The following CFAP65 variants were observed in gnomAD, a reference collection of about 807,000 sequenced individuals.
The protein encoded by CFAP65 is cilia and flagella associated protein 65, also known as cilia- and flagella-associated protein 65.
A neutral mutation model predicts 208.0 loss-of-function variants in CFAP65; 155 were observed. That is an observed-to-expected ratio of 0.75 (90% CI 0.65 to 0.85). The LOEUF (loss-of-function observed/expected upper bound fraction) is 0.85, where lower values mean the gene tolerates loss of function less well. Among genes scored for constraint, CFAP65 ranks in the 40% least tolerant of loss-of-function variants. The probability of loss-of-function intolerance (pLI) is 0.00; values close to 1 mark genes in which losing one functional copy is unlikely to be tolerated. For missense variants in CFAP65, 2,294 were observed against 2,451.3 expected (o/e 0.94, Z 1.36); for synonymous variants, 970 against 986.3 (o/e 0.98, Z 0.31).
chr2:219,019,644 T>C lies in CFAP65; in HGVS notation c.3335A>G (p.Asp1112Gly). ...CTCAGCACTGCCCATGGAGCTGACA[T>C]CCAGGATGGAAAGCAAGGGGTACAC... is the stretch of plus-strand genomic sequence containing the variant. ...VAVYPLLSIL[D>G]VSSMGSAEGI... is the part of the protein sequence containing the mutation. The change falls in exon 20 of 35, where the codon GAT becomes GGT. Residue 1112 changes from aspartate (D) to glycine (G), a missense_variant. Physicochemically the swap from Asp to Gly is moderately conservative, Grantham distance 94. Coordinates refer to ENST00000341552, the MANE Select transcript of CFAP65 (RefSeq NM_194302.4). 6.2e-7 allele frequency: 1 copy of C among 1,613,794 alleles called. No homozygotes were observed. The highest frequency in any genetic ancestry group is 8.5e-7 in the Non-Finnish European group (1 of 1,180,024).
chr2:219,028,103 G>C (rs148440747), intron 12 of CFAP65, 94 bp from the exon 13 acceptor site: 2 of 1,555,046 alleles, frequency 1.3e-6, no homozygotes, highest in East Asian at 4.5e-5. Flanking sequence ...GGCTACACCA[G>C]TCGCCCTGAC....
rs1946010275 is a variant in CFAP65 at position 219,006,589 on chromosome 2, T to C, written c.4675-80A>G. The C allele has an allele frequency of 2.8e-6, 4 of 1,414,938 alleles. No homozygotes were observed. The African/African-American group carries it at 5.6e-5, about 20-fold the overall frequency. 87.6% of individuals were successfully genotyped at this position (1,414,938 alleles called of 1,614,324 possible). ...TGCTTCATGCCTGTAATCCCAGCAC[T>C]TTGGAAGGCCAAGGCGGGCGGATCA... On this transcript the variant is annotated intron_variant, in intron 29 of 34. Transcript: ENST00000341552.
In CFAP65 at chr2:219,003,966, C is replaced by T; in HGVS notation, c.5541G>A (p.Lys1847=). 1 of 1,612,168 alleles carries T rather than the reference C, an allele frequency of 6.2e-7. No homozygotes were observed. The highest frequency in any genetic ancestry group is 1.1e-5 in the South Asian group (1 of 90,824). The change falls in exon 33 of 35, where the codon AAG becomes AAA. Residue 1847 remains lysine (K), a synonymous_variant. Coordinates refer to ENST00000341552, the MANE Select transcript of CFAP65 (RefSeq NM_194302.4). The surrounding 1 kb of genome is among the most constrained non-coding windows in gnomAD (Gnocchi z 4.4). Reference sequence around the variant, plus strand: ...TGGCTGCTCACCTTCTGATGGCCTCCTTCTCGTCCTGTTCTTGCTCCTCCT... The same window carrying T: ...TGGCTGCTCACCTTCTGATGGCCTCTTTCTCGTCCTGTTCTTGCTCCTCCT... ...MVKEEQEQDE[K]EAIRRLPAFA...
chr2:219,024,322 C>G, intron 14 of CFAP65, 62 bp from the exon 15 acceptor site: 1 of 1,556,882 alleles, frequency 6.4e-7, no homozygotes. Flanking sequence ...GACACACACT[C>G]AGGGCCCTAT....
chr2:219,006,459 C>G lies in CFAP65; in HGVS notation c.4719+6G>C. 6.2e-7 allele frequency: 1 copy of G among 1,613,756 alleles called. No individual in the cohort carries two copies. The highest frequency in any genetic ancestry group is 8.5e-7 in the Non-Finnish European group (1 of 1,180,018). On this transcript the variant is annotated splice_donor_region_variant and intron_variant, in intron 30 of 34. Transcript: ENST00000341552. ...AAGAAGATGGGCCTGGGGCTCGCCG[C>G]CTCACCTTGTACTTCCTCGCAGGTT...
chr2:219,011,291 T>TTTTTTTTTTTC (rs1946465956), intron 24 of CFAP65, among the ~76,000 whole-genome samples: 1 of 147,822 alleles, frequency 6.8e-6, no homozygotes, highest in Non-Finnish European at 1.5e-5. Flanking sequence ...TTTTTTTTTT[T>TTTTTTTTTTTC]TGAGACAAGG....
In CFAP65 at chr2:219,003,963, C is replaced by T. The variant is rs1481066650; in HGVS notation, c.5544G>A (p.Glu1848=). 1 of 1,611,134 alleles carries T rather than the reference C, an allele frequency of 6.2e-7. No homozygotes were observed. The highest frequency in any genetic ancestry group is 1.3e-5 in the African/African-American group (1 of 74,904). The change falls in exon 33 of 35, where the codon GAG becomes GAA. Residue 1848 remains glutamate, a synonymous_variant. Coordinates refer to ENST00000341552, the MANE Select transcript of CFAP65 (RefSeq NM_194302.4). The surrounding 1 kb of genome is among the most constrained non-coding windows in gnomAD (Gnocchi z 4.4). ...VKEEQEQDEK[E]AIRRLPAFAN... Reference sequence around the variant, plus strand: ...GCCTGGCTGCTCACCTTCTGATGGCCTCCTTCTCGTCCTGTTCTTGCTCCT... The same window carrying T: ...GCCTGGCTGCTCACCTTCTGATGGCTTCCTTCTCGTCCTGTTCTTGCTCCT...
Position 219,013,554 on chromosome 2 carries a change from C to G in CFAP65, c.3811G>C (p.Val1271Leu). Reference protein sequence around the residue: ...HLFIGTDHLPVLFKVSHGREI... With the variant: ...HLFIGTDHLPLLFKVSHGREI... ...CGGCCATGGGACACCTTGAAGAGCA[C>G]TGGGAGGTGATCAGTACCGATGAAC... is the stretch of plus-strand genomic sequence containing the variant. The change falls in exon 23 of 35, where the codon GTG (valine) becomes CTG (leucine). Residue 1271 changes from valine (V) to leucine (L), a missense_variant. Val to Leu is a conservative substitution (Grantham distance 32). This residue lies in a region of CFAP65 where 1,427 missense variants were observed against 1,438.7 expected (regional missense o/e 0.99). Transcript: ENST00000341552. The G allele has an allele frequency of 6.2e-7, 1 of 1,601,464 alleles. No homozygotes were observed. The highest frequency in any genetic ancestry group is 8.5e-7 in the Non-Finnish European group (1 of 1,175,440).
rs975485281 is a variant in CFAP65, at chr2:219,024,476, G to T, written c.2350-216C>A. ...TCTCCAGAGACCTCCAGAAAGGGGC[G>T]GGGGGGGGGCAGGGGGGCGGGGGCA... On this transcript the variant is annotated intron_variant, in intron 14 of 34. Coordinates refer to ENST00000341552, the MANE Select transcript of CFAP65 (RefSeq NM_194302.4). Among the ~76,000 whole-genome samples, 2,005 of 61,528 alleles carry T rather than the reference G, an allele frequency of 0.033. 205 individuals carry two copies. In the African/African-American group the frequency reaches 0.39, roughly 12 times the overall value. 40.4% of individuals were successfully genotyped at this position (61,528 alleles called of 152,430 possible).
chr2:219,040,153 T>C (rs1391461593), intron 2 of CFAP65, among the ~76,000 whole-genome samples: 1 of 152,128 alleles, frequency 6.6e-6, no homozygotes, highest in Non-Finnish European at 1.5e-5. Flanking sequence ...CCCTTACAGG[T>C]ATTTTAATTC....
chr2:219,010,355 T>C (rs1412159966), intron 26 of CFAP65, among the ~76,000 whole-genome samples, 191 bp downstream of exon 26: 1 of 152,084 alleles, frequency 6.6e-6, no homozygotes, highest in Non-Finnish European at 1.5e-5. Context: ...GGTGGCAGGG[T>C]AGACCTCTCA....
At chr2:219,010,128 G>C in intron 26 of CFAP65, 43 bp from the exon 27 acceptor site, 2 of 1,537,896 alleles carry the variant, frequency 1.3e-6, no homozygotes, top group South Asian at 2.5e-5. Context: ...AACCGGCCAG[G>C]CATGGTGGCT....
In CFAP65 at chr2:219,031,170, C is replaced by A. The variant is rs1255380374; in HGVS notation, c.951G>T (p.Val317=). ...FQPLTAVIYE[V]QATCWYGAGS... is the part of the protein sequence containing the mutation. ...CCGCCCCGTACCAGCACGTGGCCTG[C>A]ACCTCGTAGATGACGGCTGTAAGGG... is the stretch of plus-strand genomic sequence containing the variant. Residue 317 remains valine, a synonymous_variant, in exon 8 of 35, where the codon GTG becomes GTT. Transcript: ENST00000341552. The surrounding 1 kb of genome is among the most constrained non-coding windows in gnomAD (Gnocchi z 5.2). 2 of 1,610,852 alleles carry A rather than the reference C, an allele frequency of 1.2e-6. No homozygotes were observed. Among genetic ancestry groups the A allele is most frequent in the Non-Finnish European group, 1.7e-6 (2 of 1,178,756 alleles).
chr2:219,040,799 C>T (rs1414976588), intron 1 of CFAP65, among the ~76,000 whole-genome samples: 1 of 152,134 alleles, frequency 6.6e-6, no homozygotes, highest in Non-Finnish European at 1.5e-5. Context: ...GGAAGTGGTC[C>T]CAGGGCAAGG....
At chr2:219,026,233 C>T (rs17654949) in intron 13 of CFAP65, 74 bp from the exon 14 acceptor site, 85,196 of 1,517,024 alleles carry the variant, frequency 0.056, 6,521 homozygotes, top group East Asian at 0.42. Flanking sequence ...TTTTGCCCCT[C>T]CTTGCCCTTG....
Position 219,035,566 on chromosome 2 carries a change from A to C in CFAP65, c.456T>G (p.His152Gln), listed in dbSNP as rs978317835. The C allele has an allele frequency of 6.2e-7, 1 of 1,613,950 alleles. No homozygotes were observed. Among genetic ancestry groups the C allele is most frequent in the Non-Finnish European group, 8.5e-7 (1 of 1,179,986 alleles). ...IWGIEVAEEL[H>Q]WKGWELGKET... ...CCTTTCCTAGCTCCCAGCCTTTCCA[A>C]TGCAGCTCCTCAGCCACCTCAATGC... The change falls in exon 5 of 35, where the codon CAT becomes CAG. Residue 152 changes from histidine (H) to glutamine (Q), a missense_variant. By Grantham distance (24) the His-to-Gln change is conservative. Coordinates refer to ENST00000341552, the MANE Select transcript of CFAP65 (RefSeq NM_194302.4).
chr2:219,006,444 G>C, intron 30 of CFAP65, 21 bp downstream of exon 30: 1 of 1,613,514 alleles, frequency 6.2e-7, no homozygotes, highest in South Asian at 1.1e-5. Context: ...AAGAAGATGG[G>C]CCTGGGGCTC....
chr2:219,013,506 G>T lies in CFAP65; in HGVS notation c.3846+13C>A, dbSNP rs746333895. On this transcript the variant is annotated intron_variant, in intron 23 of 34. Coordinates refer to ENST00000341552, the MANE Select transcript of CFAP65 (RefSeq NM_194302.4). ...CCTGAAACTAGGGCAGGGCCAGTGT[G>T]CTGGGGCCTCACCAGGATCTCCCGG... is the stretch of plus-strand genomic sequence containing the variant. 1.5e-5 allele frequency: 24 copies of T among 1,592,806 alleles called. No homozygotes were observed. In the East Asian group the frequency reaches 3.4e-4, roughly 22 times the overall value.
chr2:219,040,588 A>T, intron 1 of CFAP65, 24 bp from the exon 2 acceptor site: 2 of 1,552,246 alleles, frequency 1.3e-6, no homozygotes, highest in African/African-American at 2.7e-5. Context: ...GAGAGAGTCC[A>T]TTACTTTTCT....
Sources: allele counts gnomAD v4.1 joint callset (sites outside exome capture counted in the v4.1 genomes callset), GRCh38; gene constraint gnomAD v4.1.1; regional missense constraint gnomAD v4.1.1; non-coding constraint Gnocchi (gnomAD v3.1); transcripts MANE v1.5; gene names NCBI Gene and HGNC (gene_info 2026-07-23, HGNC 2026-07-21).